The following TSNARE1 variants were observed in gnomAD, a reference collection of about 807,000 sequenced individuals.
TSNARE1 encodes the protein t-SNARE domain-containing protein 1.
TSNARE1 carries 49 observed loss-of-function variants against 62.0 expected under a neutral mutation model. The observed-to-expected ratio is 0.79, with a 90% CI of 0.63 to 1.00. TSNARE1 has a LOEUF of 1.00. Ranked by LOEUF, TSNARE1 falls within the 50% of genes least tolerant of loss-of-function variation. The pLI is 0.00. For synonymous variants in TSNARE1, 328 were observed against 294.4 expected (o/e 1.11, Z -1.17); for missense variants, 755 against 700.1 (o/e 1.08, Z -0.88).
At chr8:142,268,264 AGAGTGCAAAGGGCACGTGTGCACTGTG>A (rs1819242074) in intron 12 of TSNARE1, among the ~76,000 whole-genome samples, 1 of 152,226 alleles carries the variant, frequency 6.6e-6, no homozygotes, top group South Asian at 2.1e-4. Flanking sequence ...AAACTGTCCT[AGAGTGCAAAGGGCACGTGTGCACTGTG>A]GAGACACATG....
intron 2 of TSNARE1, among the ~76,000 whole-genome samples, chr8:142,348,113 T>C (rs1048862343): frequency 1.3e-5 from 2 of 152,160 alleles, no homozygotes; most frequent in African/African-American, 4.8e-5. Context: ...CAGACAGTTA[T>C]AAATAAAAAA....
At chr8:142,269,911 G>A (rs939825672) in intron 12 of TSNARE1, 1 of 985,346 alleles carries the variant, frequency 1.0e-6, no homozygotes, top group African/African-American at 1.7e-5. Context: ...CTGGCTCCAG[G>A]GGAAAACGCA....
At chr8:142,273,291 T>A (rs1331012641) in intron 12 of TSNARE1, 1 of 985,328 alleles carries the variant, frequency 1.0e-6, no homozygotes, top group Non-Finnish European at 1.2e-6. Flanking sequence ...GGAGGGGTCA[T>A]CTTGCTGGCT....
intron 1 of TSNARE1, among the ~76,000 whole-genome samples, chr8:142,393,817 C>T (rs1837712623): frequency 6.6e-6 from 1 of 152,224 alleles, no homozygotes; most frequent in African/African-American, 2.4e-5. Flanking sequence ...TGCCTGGCTA[C>T]GTGCTGGTGT....
At chr8:142,364,734 G>T (rs192906404) in intron 1 of TSNARE1, among the ~76,000 whole-genome samples, 1 of 152,294 alleles carries the variant, frequency 6.6e-6, no homozygotes, top group East Asian at 1.9e-4. Context: ...TGAAAAGGCT[G>T]TCCCTGGCCA....
At chr8:142,325,631 TC>T (rs1178073989) in intron 6 of TSNARE1, among the ~76,000 whole-genome samples, 1 of 151,950 alleles carries the variant, frequency 6.6e-6, no homozygotes, top group Non-Finnish European at 1.5e-5. Flanking sequence ...AGACCCCAGG[TC>T]AGTCCAGAAG....
At chr8:142,401,195 T>C (rs1440184634) in intron 1 of TSNARE1, among the ~76,000 whole-genome samples, 1 of 152,068 alleles carries the variant, frequency 6.6e-6, no homozygotes, top group East Asian at 1.9e-4. Flanking sequence ...CCTCAAAGTC[T>C]TACGTGTCCA....
intron 10 of TSNARE1, among the ~76,000 whole-genome samples, chr8:142,285,273 TGGGTAGGTGGATGGATGGATG>T (rs1366921758): frequency 1.5e-5 from 2 of 132,168 alleles, no homozygotes; most frequent in African/African-American, 7.4e-5. Flanking sequence ...GATGGATGGA[TGGGTAGGTGGATGGATGGATG>T]GGTAGGTGGA....
intron 1 of TSNARE1, among the ~76,000 whole-genome samples, chr8:142,365,635 G>C (rs34976908): frequency 0.16 from 18,774 of 116,684 alleles, 1,263 homozygotes; most frequent in East Asian, 0.3. Context: ...CACACACACA[G>C]AGAGAGAGAG....
chr8:142,396,077 T>C (rs1837874733), intron 1 of TSNARE1, among the ~76,000 whole-genome samples: 1 of 152,218 alleles, frequency 6.6e-6, no homozygotes, highest in South Asian at 2.1e-4. Context: ...GGACCCTTGA[T>C]GACCCATGCC....
Position 142,333,108 on chromosome 8 carries a change from G to A in TSNARE1, c.746-1277C>T, listed in dbSNP as rs80240461. 8.5e-3 allele frequency among the ~76,000 whole-genome samples: 1,302 copies of A among 152,346 alleles called. 10 individuals carry two copies. Among genetic ancestry groups the A allele is most frequent in the East Asian group, 0.021 (110 of 5,180 alleles). On this transcript the variant is annotated intron_variant, in intron 4 of 13. Transcript: ENST00000524325. ...CAGGCTGGGGAACTGGGGCAGGGCC[G>A]GAGGGACCCTCCTGGGTGAGGGCCT... is the stretch of plus-strand genomic sequence containing the variant.
intron 10 of TSNARE1, among the ~76,000 whole-genome samples, chr8:142,299,780 A>G (rs1483995088): frequency 2.0e-5 from 3 of 152,214 alleles, no homozygotes; most frequent in Non-Finnish European, 4.4e-5. Flanking sequence ...ACACACACAT[A>G]CATACACACA....
At chr8:142,318,679 C>A in intron 6 of TSNARE1, 45 bp from the exon 7 acceptor site, 1 of 1,600,320 alleles carries the variant, frequency 6.2e-7, no homozygotes, top group Non-Finnish European at 8.6e-7. Context: ...GGGAGGAAGG[C>A]AGCAGAGAGC....
intron 1 of TSNARE1, among the ~76,000 whole-genome samples, chr8:142,372,766 G>A (rs1836004525): frequency 6.6e-6 from 1 of 152,064 alleles, no homozygotes; most frequent in African/African-American, 2.4e-5. Context: ...TCCCTGCTGT[G>A]CCTCTCCCAG....
chr8:142,217,321 A>AAGAAAGAAAGAAAGAG (rs1815903646), intron 13 of TSNARE1, among the ~76,000 whole-genome samples: 2 of 41,668 alleles, frequency 4.8e-5, no homozygotes, highest in Non-Finnish European at 1.2e-4. Flanking sequence ...GAAAGAAAGA[A>AAGAAAGAAAGAAAGAG]AGAAAGAAAG....
At chr8:142,282,293 C>T (rs1587005634) in intron 11 of TSNARE1, among the ~76,000 whole-genome samples, 1 of 152,220 alleles carries the variant, frequency 6.6e-6, no homozygotes, top group African/African-American at 2.4e-5. Context: ...ACCCTATCCA[C>T]CCCAGAACAG....
chr8:142,271,112 A>C (rs966085276), intron 12 of TSNARE1: 13 of 985,880 alleles, frequency 1.3e-5, no homozygotes, highest in African/African-American at 7.0e-5. Flanking sequence ...CACCTTCAAG[A>C]TCATCCCTGA....
chr8:142,297,304 T>C (rs1313071498), intron 10 of TSNARE1, among the ~76,000 whole-genome samples: 1 of 152,120 alleles, frequency 6.6e-6, no homozygotes, highest in African/African-American at 2.4e-5. Context: ...CCACGGACAC[T>C]CGAGGAGACC....
chr8:142,343,417 C>T (rs796822382), intron 4 of TSNARE1, among the ~76,000 whole-genome samples: 2 of 151,904 alleles, frequency 1.3e-5, no homozygotes, highest in African/African-American at 4.8e-5. Flanking sequence ...AGCGTCGGCA[C>T]GGCTAGAAAT....
Sources: allele counts gnomAD v4.1 joint callset (sites outside exome capture counted in the v4.1 genomes callset), GRCh38; gene constraint gnomAD v4.1.1; transcripts MANE v1.5; gene names NCBI Gene and HGNC (gene_info 2026-07-23, HGNC 2026-07-21).